DACH2: variants seen among roughly 807,000 people sequenced by gnomAD.
The protein encoded by DACH2 is dachshund homolog 2.
Under a neutral mutation model 35.8 loss-of-function variants are expected in DACH2, and 17 were observed. That is an observed-to-expected ratio of 0.48 (90% CI 0.33 to 0.71). The LOEUF (loss-of-function observed/expected upper bound fraction) is 0.71. Among genes scored for constraint, DACH2 ranks in the 30% least tolerant of loss-of-function variants. The pLI is 0.02. For synonymous variants in DACH2, 195 were observed against 177.3 expected (o/e 1.10, Z -0.79); for missense variants, 469 against 472.7 (o/e 0.99, Z 0.07).
In DACH2 at chrX:86,196,267, A is replaced by G. The variant is rs931970698; in HGVS notation, c.488+47159A>G. 2.2e-4 allele frequency among the ~76,000 whole-genome samples: 25 copies of G among 111,917 alleles called. No homozygotes were observed. In the Admixed American group the frequency reaches 2.3e-3, roughly 10 times the overall value. On this transcript the variant is annotated intron_variant, in intron 1 of 11. Transcript: ENST00000373125. ...ATTAACTGATAGAGCTGAAAAACAC[A>G]CTACAAGAATTTATTAATGCAACCT...
intron 2 of DACH2, among the ~76,000 whole-genome samples, chrX:86,402,525 G>A (rs780485780): frequency 2.0e-4 from 22 of 111,381 alleles, no homozygotes; most frequent in South Asian, 3.8e-4. Flanking sequence ...TGAAATAAAT[G>A]AGAAATGACA....
At chrX:86,725,295 G>C (rs923208332) in intron 6 of DACH2, among the ~76,000 whole-genome samples, 1 of 111,075 alleles carries the variant, frequency 9.0e-6, no homozygotes, top group Admixed American at 9.6e-5. Flanking sequence ...CCAAGTTTTT[G>C]AAATTGCTTT....
At chrX:86,150,997 C>T (rs898979892) in intron 1 of DACH2, among the ~76,000 whole-genome samples, 5 of 111,480 alleles carry the variant, frequency 4.5e-5, no homozygotes, top group Admixed American at 9.6e-5. Flanking sequence ...TTAGGAAATT[C>T]TTCCTTCCTC....
At chrX:86,433,751 A>G (rs559024434) in intron 2 of DACH2, among the ~76,000 whole-genome samples, 178 of 111,839 alleles carry the variant, frequency 1.6e-3, no homozygotes, top group African/African-American at 5.5e-3. Context: ...GTTATGTAAA[A>G]TTAGGCTAGG....
At chrX:86,378,340 G>C (rs1185302415) in intron 2 of DACH2, among the ~76,000 whole-genome samples, 1 of 110,075 alleles carries the variant, frequency 9.1e-6, no homozygotes, top group Non-Finnish European at 1.9e-5. Flanking sequence ...ATAAACTATA[G>C]AGAAACCAGG....
At chrX:86,539,333 T>G (rs1357033747) in intron 3 of DACH2, among the ~76,000 whole-genome samples, 1 of 111,728 alleles carries the variant, frequency 9.0e-6, no homozygotes, top group Non-Finnish European at 1.9e-5. Flanking sequence ...TGTGGAATTG[T>G]GAGTCAATTA....
At chrX:86,772,778 T>C (rs963306592) in intron 7 of DACH2, among the ~76,000 whole-genome samples, 1 of 111,383 alleles carries the variant, frequency 9.0e-6, no homozygotes, top group African/African-American at 3.3e-5. Flanking sequence ...AGACACACAG[T>C]GTGAAATGAA....
rs1039377041 is a variant in DACH2, at chrX:86,682,963, T to G, written c.773-12058T>G. Among the ~76,000 whole-genome samples, 3 of 111,920 alleles carry G rather than the reference T, an allele frequency of 2.7e-5. No homozygotes were observed. The South Asian group carries it at 1.1e-3, about 41-fold the overall frequency. The stretch of plus-strand genomic sequence containing the variant: ...ACATGTTTCTTTCTCTTTGTATTTT[T>G]ATTTCAGGCTCTGCCATGTATTTCA... On this transcript the variant is annotated intron_variant, in intron 4 of 11. Transcript: ENST00000373125.
chrX:86,438,219 G>GTTT (rs695264), intron 2 of DACH2, among the ~76,000 whole-genome samples: 10 of 81,130 alleles, frequency 1.2e-4, no homozygotes, highest in African/African-American at 3.7e-4. Context: ...GATCTCGTAG[G>GTTT]TTTTTTTTTT....
intron 11 of DACH2, among the ~76,000 whole-genome samples, chrX:86,826,500 AT>A (rs1473511035): frequency 9.3e-6 from 1 of 107,872 alleles, no homozygotes; most frequent in African/African-American, 3.4e-5. Flanking sequence ...TGAAAAAAAA[AT>A]GATTCCAAAA....
At chrX:86,153,851 G>A (rs1195160582) in intron 1 of DACH2, among the ~76,000 whole-genome samples, 1 of 111,234 alleles carries the variant, frequency 9.0e-6, no homozygotes, top group Non-Finnish European at 1.9e-5. Context: ...TACTTTAGCT[G>A]GTATTCATAT....
chrX:86,445,673 A>T (rs1471474730), intron 2 of DACH2, among the ~76,000 whole-genome samples: 1 of 108,428 alleles, frequency 9.2e-6, no homozygotes, highest in Non-Finnish European at 1.9e-5. Flanking sequence ...AGAAGTTTTG[A>T]AGTTTCTTCT....
At chrX:86,399,271 A>G (rs755091506) in intron 2 of DACH2, among the ~76,000 whole-genome samples, 1 of 110,805 alleles carries the variant, frequency 9.0e-6, no homozygotes, top group Admixed American at 9.6e-5. Flanking sequence ...GAGCCTATGT[A>G]TGTCTCTGCA....
intron 7 of DACH2, among the ~76,000 whole-genome samples, chrX:86,762,539 G>A (rs999227659): frequency 2.7e-5 from 3 of 111,546 alleles, no homozygotes; most frequent in Non-Finnish European, 5.7e-5. Context: ...GGAAAATTAG[G>A]TATTGAGTAT....
chrX:86,640,145 A>G, intron 3 of DACH2, among the ~76,000 whole-genome samples: 1 of 110,423 alleles, frequency 9.1e-6, no homozygotes, highest in East Asian at 2.9e-4. Context: ...GCCTGTTCCC[A>G]TATCTCCTCA....
chrX:86,210,389 A>C (rs1395672902), intron 1 of DACH2, among the ~76,000 whole-genome samples: 1 of 111,186 alleles, frequency 9.0e-6, no homozygotes, highest in Non-Finnish European at 1.9e-5. Flanking sequence ...TCTGAGTGTG[A>C]TTATATCCTT....
At chrX:86,832,085 C>T (rs894755146) in intron 11 of DACH2, 21 bp from the exon 12 acceptor site, 4 of 1,126,394 alleles carry the variant, frequency 3.6e-6, no homozygotes, top group Middle Eastern at 4.9e-4. Flanking sequence ...TAAGAACTAA[C>T]TTGTTTTCTT....
At chrX:86,294,010 G>T (rs1170979979) in intron 1 of DACH2, among the ~76,000 whole-genome samples, 1 of 111,893 alleles carries the variant, frequency 8.9e-6, no homozygotes, top group African/African-American at 3.3e-5. Flanking sequence ...ATAATATCCT[G>T]CAGAGTGTTT....
chrX:86,345,838 A>G (rs1428477811), intron 1 of DACH2, among the ~76,000 whole-genome samples: 1 of 111,757 alleles, frequency 8.9e-6, no homozygotes, highest in Non-Finnish European at 1.9e-5. Flanking sequence ...TAACATTTAG[A>G]TGCTTTTTTC....
Sources: gnomAD v4.1 joint callset for allele counts (sites outside exome capture counted in the v4.1 genomes callset) on GRCh38, gnomAD v4.1.1 for gene constraint, MANE v1.5 for transcripts, NCBI Gene and HGNC (gene_info 2026-07-23, HGNC 2026-07-21) for gene names.